The following NPAS3 variants were observed in gnomAD, a reference collection of about 807,000 sequenced individuals.
The protein encoded by NPAS3 is neuronal PAS domain protein 3, also known as neuronal PAS domain-containing protein 3.
A neutral mutation model predicts 73.1 loss-of-function variants in NPAS3; 14 were observed. The observed-to-expected ratio is 0.19, with a 90% CI of 0.13 to 0.30. The LOEUF is 0.30. NPAS3 is among the 10% of genes least tolerant of loss of function. The pLI is 1.00. For synonymous variants in NPAS3, 620 were observed against 541.5 expected, an observed-to-expected ratio of 1.14 and a Z score of -2.01; for missense variants, 1,096 against 1,250.0, an observed-to-expected ratio of 0.88 and a Z score of 1.86.
intron 2 of NPAS3, among the ~76,000 whole-genome samples, chr14:33,086,385 A>G (rs2042026382): frequency 6.6e-6 from 1 of 152,074 alleles, no homozygotes; most frequent in Non-Finnish European, 1.5e-5. Context: ...TTAAAAGTTT[A>G]TTTATATAAG....
At chr14:33,052,982 TA>T (rs1045232189) in intron 1 of NPAS3, among the ~76,000 whole-genome samples, 3 of 152,194 alleles carry the variant, frequency 2.0e-5, no homozygotes, top group East Asian at 1.9e-4. Context: ...GGCAATTGTT[TA>T]AAAAAAATTC....
chr14:33,401,193 C>T (rs1218772085), intron 4 of NPAS3, among the ~76,000 whole-genome samples: 1 of 152,124 alleles, frequency 6.6e-6, no homozygotes, highest in Non-Finnish European at 1.5e-5. Context: ...TTACAGAAAG[C>T]TGATAAGTCT....
At chr14:33,423,163 G>C (rs1308149643) in intron 4 of NPAS3, among the ~76,000 whole-genome samples, 1 of 151,996 alleles carries the variant, frequency 6.6e-6, no homozygotes. Flanking sequence ...GGACAAGTTG[G>C]GTTGTCTGAA....
At chr14:33,212,791 A>G (rs1375597983) in intron 2 of NPAS3, among the ~76,000 whole-genome samples, 1 of 152,216 alleles carries the variant, frequency 6.6e-6, no homozygotes, top group Non-Finnish European at 1.5e-5. Context: ...ATTACGGTAT[A>G]TTACATAAGT....
intron 9 of NPAS3, among the ~76,000 whole-genome samples, chr14:33,784,954 T>C (rs1324935948): frequency 6.6e-6 from 1 of 150,962 alleles, no homozygotes; most frequent in Admixed American, 6.6e-5. Context: ...TTCTCCATGT[T>C]GGTCAGGCTG....
At chr14:33,197,882 C>G (rs887998700) in intron 2 of NPAS3, among the ~76,000 whole-genome samples, 7 of 152,222 alleles carry the variant, frequency 4.6e-5, no homozygotes, top group African/African-American at 9.6e-5. Context: ...AGCCGCGGAC[C>G]CTCGCGGTGA....
chr14:33,152,541 G>A (rs2044487445), intron 2 of NPAS3, among the ~76,000 whole-genome samples: 1 of 152,064 alleles, frequency 6.6e-6, no homozygotes. Flanking sequence ...CTGGGAAAGG[G>A]TATATGAAAA....
chr14:33,533,279 C>G (rs1461510655), intron 4 of NPAS3, among the ~76,000 whole-genome samples: 1 of 152,000 alleles, frequency 6.6e-6, no homozygotes, highest in African/African-American at 2.4e-5. Context: ...AATAACCAAA[C>G]TATATAAAGA....
chr14:33,676,479 T>C, intron 6 of NPAS3, 94 bp downstream of exon 6: 1 of 1,026,888 alleles, frequency 9.7e-7, no homozygotes, highest in Non-Finnish European at 1.4e-6. Flanking sequence ...TATAAATAGG[T>C]CTAAGGGTAT....
chr14:33,186,271 C>A (rs1220840231), intron 2 of NPAS3, among the ~76,000 whole-genome samples: 1 of 152,140 alleles, frequency 6.6e-6, no homozygotes, highest in Non-Finnish European at 1.5e-5. Flanking sequence ...CACTTGGAGA[C>A]CTGTTTGGTT....
intron 2 of NPAS3, among the ~76,000 whole-genome samples, chr14:33,207,386 G>C (rs1179042571): frequency 2.6e-5 from 4 of 152,106 alleles, no homozygotes; most frequent in Admixed American, 2.6e-4. Context: ...GAGAAAGTAA[G>C]TGAAGTGTTC....
At chr14:33,196,743 T>A (rs756867312) in intron 2 of NPAS3, among the ~76,000 whole-genome samples, 1 of 152,214 alleles carries the variant, frequency 6.6e-6, no homozygotes, top group Non-Finnish European at 1.5e-5. Flanking sequence ...TAGACCCAAC[T>A]TGATTTTACA....
At chr14:33,211,745 CGTT>C (rs1227686187) in intron 2 of NPAS3, among the ~76,000 whole-genome samples, 2 of 152,002 alleles carry the variant, frequency 1.3e-5, no homozygotes, top group East Asian at 3.9e-4. Flanking sequence ...AAATTATTGA[CGTT>C]GTTTTTGTTG....
intron 1 of NPAS3, among the ~76,000 whole-genome samples, chr14:32,970,144 C>G (rs2037357628): frequency 6.6e-6 from 1 of 152,114 alleles, no homozygotes; most frequent in Non-Finnish European, 1.5e-5. Flanking sequence ...TAAAAGGAAT[C>G]AAATGTATTA....
At chr14:33,605,533 A>G (rs990560426) in intron 5 of NPAS3, among the ~76,000 whole-genome samples, 1 of 152,202 alleles carries the variant, frequency 6.6e-6, no homozygotes, top group African/African-American at 2.4e-5. Context: ...TGAATTTAGC[A>G]AAATTGCAGG....
intron 4 of NPAS3, among the ~76,000 whole-genome samples, chr14:33,460,152 T>C (rs925468616): frequency 2.0e-5 from 3 of 152,238 alleles, no homozygotes; most frequent in African/African-American, 4.8e-5. Context: ...ATACTGTTTT[T>C]TATTTTCTTG....
intron 7 of NPAS3, among the ~76,000 whole-genome samples, chr14:33,757,246 T>G (rs1411495721): frequency 1.3e-5 from 2 of 152,210 alleles, no homozygotes; most frequent in African/African-American, 4.8e-5. Context: ...TGAGTGGTGA[T>G]AGTGACAATG....
At chr14:33,420,800 C>T (rs17101068) in intron 4 of NPAS3, among the ~76,000 whole-genome samples, 25,991 of 151,758 alleles carry the variant, frequency 0.17, 2,461 homozygotes, top group Admixed American at 0.26. Flanking sequence ...AAATCAGAGC[C>T]CATCATTCAA....
chr14:33,582,981 T>TTTTTTTTTTTTG (rs1314077048), intron 5 of NPAS3, among the ~76,000 whole-genome samples: 50 of 148,390 alleles, frequency 3.4e-4, no homozygotes, highest in Non-Finnish European at 6.7e-4. Flanking sequence ...TTTTTTTTTT[T>TTTTTTTTTTTTG]TTTTTGGCTA....
Sources: allele counts gnomAD v4.1 joint callset (sites outside exome capture counted in the v4.1 genomes callset), GRCh38; gene constraint gnomAD v4.1.1; transcripts MANE v1.5; gene names NCBI Gene and HGNC (gene_info 2026-07-23, HGNC 2026-07-21).